HABP2: variants seen among roughly 807,000 people sequenced by gnomAD.
HABP2 encodes the protein factor VII-activating protease.
HABP2 carries 65 observed loss-of-function variants against 66.5 expected under a neutral mutation model. That is an observed-to-expected ratio of 0.98 (90% CI 0.80 to 1.20). The LOEUF (loss-of-function observed/expected upper bound fraction) is 1.20, where lower values mean the gene tolerates loss of function less well. Among genes scored for constraint, HABP2 ranks in the 50% most tolerant of loss-of-function variants. The pLI is 0.00. For synonymous variants in HABP2, 263 were observed against 253.9 expected (o/e 1.04, Z -0.34); for missense variants, 786 against 691.0 (o/e 1.14, Z -1.54).
intron 11 of HABP2, among the ~76,000 whole-genome samples, chr10:113,584,557 C>T (rs1301524727): frequency 6.6e-6 from 1 of 152,216 alleles, no homozygotes; most frequent in Non-Finnish European, 1.5e-5. Flanking sequence ...GGAGCTCTTG[C>T]TCCCTTCCTA....
chr10:113,587,963 T>A (rs1256544059), intron 12 of HABP2, among the ~76,000 whole-genome samples: 1 of 151,956 alleles, frequency 6.6e-6, no homozygotes, highest in Non-Finnish European at 1.5e-5. Flanking sequence ...GAAGTGCAGC[T>A]GTGCGGCTCC....
At chr10:113,553,677 T>A (rs1238260650) in intron 1 of HABP2, among the ~76,000 whole-genome samples, 2 of 152,224 alleles carry the variant, frequency 1.3e-5, no homozygotes, top group African/African-American at 4.8e-5. Context: ...TGGGTCTGCA[T>A]AAATAGTTTG....
At chr10:113,553,331 T>C (rs1844933010) in intron 1 of HABP2, 141 bp downstream of exon 1, 3 of 650,432 alleles carry the variant, frequency 4.6e-6, no homozygotes, top group Non-Finnish European at 8.3e-6. Context: ...CAAGAACCAA[T>C]GCAGGCCTGT....
At chr10:113,574,698 T>G (rs964467482) in intron 3 of HABP2, among the ~76,000 whole-genome samples, 7 of 152,162 alleles carry the variant, frequency 4.6e-5, no homozygotes, top group African/African-American at 1.7e-4. Context: ...ATTGTCCAGG[T>G]TTCCTGATGC....
At chr10:113,551,113 C>A (rs1336784367), upstream of HABP2, among the ~76,000 whole-genome samples, 1 of 152,236 alleles carries the variant, frequency 6.6e-6, no homozygotes, top group Non-Finnish European at 1.5e-5. Context: ...ACATGTCCAA[C>A]TGTCACATGG....
intron 2 of HABP2, chr10:113,572,816 A>G (rs1845338132): frequency 2.5e-5 from 8 of 316,580 alleles, no homozygotes; most frequent in Non-Finnish European, 6.4e-6. Flanking sequence ...TTGACTTGAC[A>G]CTGTGATAAA....
At chr10:113,551,387 G>A (rs187049480), upstream of HABP2, among the ~76,000 whole-genome samples, 82 of 152,336 alleles carry the variant, frequency 5.4e-4, no homozygotes, top group African/African-American at 1.9e-3. Context: ...GATGAAAGAT[G>A]CATTAACTAG....
chr10:113,564,832 C>CAATATT (rs1565098457), intron 1 of HABP2, among the ~76,000 whole-genome samples: 1 of 151,138 alleles, frequency 6.6e-6, no homozygotes, highest in East Asian at 1.9e-4. Context: ...ATCACTCTAC[C>CAATATT]TCACCACGCA....
chr10:113,580,062 G>A (rs1042993563), intron 7 of HABP2, among the ~76,000 whole-genome samples: 55 of 151,890 alleles, frequency 3.6e-4, no homozygotes, highest in African/African-American at 1.3e-3. Flanking sequence ...TTACAGGCAT[G>A]AGCCACTGCA....
At chr10:113,555,425 CAT>C (rs1844974099) in intron 1 of HABP2, among the ~76,000 whole-genome samples, 1 of 151,918 alleles carries the variant, frequency 6.6e-6, no homozygotes, top group Non-Finnish European at 1.5e-5. Flanking sequence ...AGACCAGGCA[CAT>C]GTTTGCTGGG....
At position 113,553,074 on chromosome 10, in the gene HABP2, C is replaced by G. The variant is rs1283076872; in HGVS notation, c.-48C>G. The G allele has an allele frequency of 6.8e-7, 1 of 1,461,388 alleles. No individual in the cohort carries two copies. The allele number at this position is 1,461,388 out of a possible 1,614,324, so 90.5% of individuals were successfully genotyped here. The stretch of plus-strand genomic sequence containing the variant: ...TTTTCCCCCCTAAAGGCATAGACAA[C>G]AAAAGAAATTTTATTGAGAGGAAAA... On this transcript the variant is annotated 5_prime_UTR_variant, in exon 1 of 13. Transcript: ENST00000351270.
At chr10:113,576,098 G>C in intron 4 of HABP2, 94 bp downstream of exon 4, 1 of 751,616 alleles carries the variant, frequency 1.3e-6, no homozygotes. Flanking sequence ...CCATGGAAAG[G>C]ATTATAACTG....
At chr10:113,560,880 C>T (rs554097598) in intron 1 of HABP2, among the ~76,000 whole-genome samples, 4 of 152,228 alleles carry the variant, frequency 2.6e-5, no homozygotes, top group South Asian at 4.2e-4. Context: ...AAGAAGGAGG[C>T]GTTTCTGTTC....
intron 3 of HABP2, among the ~76,000 whole-genome samples, chr10:113,575,106 G>C (rs990704086): frequency 6.6e-6 from 1 of 152,172 alleles, no homozygotes; most frequent in African/African-American, 2.4e-5. Flanking sequence ...TTAGCAGCTG[G>C]AATAAAAGCT....
At chr10:113,586,528 G>C (rs1374395596) in intron 12 of HABP2, among the ~76,000 whole-genome samples, 1 of 150,880 alleles carries the variant, frequency 6.6e-6, no homozygotes, top group Non-Finnish European at 1.5e-5. Context: ...CTGTAGCCTA[G>C]GGCCTTTCAG....
intron 2 of HABP2, 130 bp from the exon 3 acceptor site, chr10:113,574,159 G>C: frequency 1.6e-6 from 1 of 630,044 alleles, no homozygotes; most frequent in South Asian, 1.8e-5. Flanking sequence ...ACTGTGCAGA[G>C]CTGGAGAGAC....
At chr10:113,576,697 G>A (rs181761057) in intron 4 of HABP2, among the ~76,000 whole-genome samples, 3 of 152,098 alleles carry the variant, frequency 2.0e-5, no homozygotes, top group Non-Finnish European at 4.4e-5. Flanking sequence ...TTCTTCCCTC[G>A]GTGCCCTCTT....
At position 113,588,795 on chromosome 10, in the gene HABP2, T is replaced by TATC; in HGVS notation, c.*428_*430dup. On this transcript the variant is annotated 3_prime_UTR_variant, in exon 13 of 13. Coordinates refer to ENST00000351270, the MANE Select transcript of HABP2 (RefSeq NM_004132.5). Reference sequence around the variant, plus strand: ...ACAGAATCAGCCATCCACGTCTAGGTATCAGAGAGGACCACAAATACAACA... The same window carrying TATC: ...ACAGAATCAGCCATCCACGTCTAGGTATCATCAGAGAGGACCACAAATACAACA... 1.6e-6 allele frequency: 1 copy of TATC among 608,070 alleles called. No individual in the cohort carries two copies. Among genetic ancestry groups the TATC allele is most frequent in the Admixed American group, 2.9e-5 (1 of 33,900 alleles). 37.7% of individuals were successfully genotyped at this position (608,070 alleles called of 1,614,324 possible). A position where few individuals can be genotyped will look rare whatever the true frequency, so the allele number is the denominator to read the frequency against.
In HABP2 at chr10:113,571,997, C is replaced by A. The variant is rs183541749; in HGVS notation, c.107-2292C>A. ...TGGAGAAACCCTCCCAGATGATACT[C>A]CTGTAAAGCACCTTCAAATCACATG... On this transcript the variant is annotated intron_variant, in intron 2 of 12. Transcript: ENST00000351270. Among the ~76,000 whole-genome samples, 28 of 152,334 alleles carry A rather than the reference C, an allele frequency of 1.8e-4. No homozygotes were observed. The East Asian group carries it at 4.4e-3, about 24-fold the overall frequency.
Sources: gnomAD v4.1 joint callset for allele counts (sites outside exome capture counted in the v4.1 genomes callset) on GRCh38, gnomAD v4.1.1 for gene constraint, MANE v1.5 for transcripts, NCBI Gene and HGNC (gene_info 2026-07-23, HGNC 2026-07-21) for gene names.